Variants in TPRG1 observed in about 807,000 individuals in gnomAD.
TPRG1 encodes tumor protein p63-regulated gene 1 protein.
TPRG1 carries 29 observed loss-of-function variants against 29.3 expected under a neutral mutation model. That is an observed-to-expected ratio of 0.99 (90% confidence interval 0.74 to 1.35). TPRG1 has a LOEUF of 1.35. Among genes scored for constraint, TPRG1 ranks in the 40% most tolerant of loss-of-function variants. The pLI is 0.00. For synonymous variants in TPRG1, 130 were observed against 116.8 expected (o/e 1.11, Z -0.73); for missense variants, 327 against 335.0 (o/e 0.98, Z 0.19).
intron 3 of TPRG1, among the ~76,000 whole-genome samples, chr3:189,144,268 C>G (rs1194457297): frequency 6.6e-6 from 1 of 152,120 alleles, no homozygotes; most frequent in African/African-American, 2.4e-5. Context: ...AGCTTTGTTT[C>G]CTATAAGTGG....
intron 1 of TPRG1, among the ~76,000 whole-genome samples, chr3:189,203,364 A>G (rs1733801119): frequency 1.3e-5 from 2 of 152,254 alleles, no homozygotes; most frequent in Middle Eastern, 3.4e-3. Flanking sequence ...AAAAATCAGC[A>G]CTACTGCCAT....
upstream of TPRG1, among the ~76,000 whole-genome samples, chr3:189,170,217 C>T (rs1043182454): frequency 6.6e-6 from 1 of 152,100 alleles, no homozygotes; most frequent in Non-Finnish European, 1.5e-5. Context: ...GTATTTGCCT[C>T]GCAATTATTT....
intron 4 of TPRG1, among the ~76,000 whole-genome samples, chr3:189,239,994 G>A (rs1278207185): frequency 6.6e-6 from 1 of 152,118 alleles, no homozygotes; most frequent in African/African-American, 2.4e-5. Flanking sequence ...ATTGAACCGT[G>A]AATTCCTTGC....
intron 3 of TPRG1, among the ~76,000 whole-genome samples, chr3:189,218,761 C>T (rs1204343605): frequency 6.6e-6 from 1 of 152,200 alleles, no homozygotes; most frequent in Non-Finnish European, 1.5e-5. Context: ...ATAGACTGCA[C>T]TCCTGCATTC....
chr3:189,052,991 C>T (rs1169685805), intron 4 of TPRG1, among the ~76,000 whole-genome samples: 1 of 152,090 alleles, frequency 6.6e-6, no homozygotes, highest in Non-Finnish European at 1.5e-5. Flanking sequence ...GTGTATACTG[C>T]TTGGGTGATG....
rs201492242 is a variant in TPRG1, at chr3:189,320,746, A to C, written c.754A>C (p.Thr252Pro). ...LTEPILIETY[T>P]GLMSFIGNRN... is the part of the protein sequence containing the mutation. The stretch of plus-strand genomic sequence containing the variant: ...TGAACCCATTTTGATTGAGACCTAC[A>C]CAGGGCTGATGTCATTCATTGGAAA... Residue 252 changes from threonine (T) to proline (P), a missense_variant, in exon 6 of 6, where the codon ACA becomes CCA. Coordinates refer to ENST00000345063, the MANE Select transcript of TPRG1 (RefSeq NM_198485.4). The C allele has an allele frequency of 2.2e-5, 36 of 1,612,626 alleles. No individual in the cohort carries two copies. The highest frequency in any genetic ancestry group is 5.5e-5 in the South Asian group (5 of 90,928).
chr3:189,230,853 G>A (rs766572316), intron 3 of TPRG1, among the ~76,000 whole-genome samples: 8 of 152,250 alleles, frequency 5.3e-5, no homozygotes, highest in Non-Finnish European at 8.8e-5. Flanking sequence ...TTTATGCCAC[G>A]TAGTGAGAAG....
rs1187976467 is a variant in TPRG1, at chr3:189,312,165, CTTTCTTTCTTTCTTTCTTTT to C, written c.633+1646_633+1665del. Among the ~76,000 whole-genome samples, 435 of 68,486 alleles carry C rather than the reference CTTTCTTTCTTTCTTTCTTTT, an allele frequency of 6.4e-3. 6 individuals are homozygous for C. Among genetic ancestry groups the C allele is most frequent in the Middle Eastern group, 0.012 (2 of 164 alleles). 44.9% of individuals were successfully genotyped at this position (68,486 alleles called of 152,430 possible). A position where few individuals can be genotyped will look rare whatever the true frequency, so the allele number is the denominator to read the frequency against. ...TCTTTCTTTCTTTCTTTCTTTCTTT[CTTTCTTTCTTTCTTTCTTTT>C]TTTCTTTCTTTCTTTCTTTCTTTCT... On this transcript the variant is annotated intron_variant, in intron 5 of 5. Coordinates refer to ENST00000345063, the MANE Select transcript of TPRG1 (RefSeq NM_198485.4).
chr3:189,253,787 A>C (rs938291284), intron 4 of TPRG1, among the ~76,000 whole-genome samples: 2 of 152,172 alleles, frequency 1.3e-5, no homozygotes, highest in East Asian at 3.9e-4. Flanking sequence ...TTTAATGATC[A>C]CAATTCTAAC....
chr3:189,218,391 C>T (rs1364005152), intron 3 of TPRG1, among the ~76,000 whole-genome samples: 3 of 152,180 alleles, frequency 2.0e-5, no homozygotes, highest in Non-Finnish European at 4.4e-5. Context: ...GCTAGGATTA[C>T]AGGCGTGAGC....
intron 4 of TPRG1, among the ~76,000 whole-genome samples, chr3:189,293,275 A>G (rs1403938101): frequency 6.6e-6 from 1 of 151,968 alleles, no homozygotes; most frequent in East Asian, 1.9e-4. Flanking sequence ...CTGTGTTTGG[A>G]CTGGAGGCTC....
chr3:189,141,975 A>C (rs1245180958), intron 3 of TPRG1, among the ~76,000 whole-genome samples: 1 of 152,172 alleles, frequency 6.6e-6, no homozygotes, highest in African/African-American at 2.4e-5. Flanking sequence ...GATGACAAAG[A>C]TGGAGACAAG....
At position 189,242,803 on chromosome 3, in the gene TPRG1, G is replaced by A. The variant is rs143319921; in HGVS notation, c.479+3894G>A. On this transcript the variant is annotated intron_variant, in intron 4 of 5. Coordinates refer to ENST00000345063, the MANE Select transcript of TPRG1 (RefSeq NM_198485.4). ...AGTTAATTTCTTTTATAAATATTGTGTTTATCATAATTTTTTCTCCTCAGG... is the reference window on the plus strand; with the variant it reads ...AGTTAATTTCTTTTATAAATATTGTATTTATCATAATTTTTTCTCCTCAGG... Among the ~76,000 whole-genome samples the A allele has an allele frequency of 1.4e-3, 209 of 151,910 alleles. 3 individuals carry two copies. The East Asian group carries it at 0.031, about 22-fold the overall frequency.
At chr3:189,179,425 A>G (rs959102739) in intron 1 of TPRG1, among the ~76,000 whole-genome samples, 1 of 152,182 alleles carries the variant, frequency 6.6e-6, no homozygotes, top group African/African-American at 2.4e-5. Context: ...TCAGCCACAG[A>G]TTGTACTGAA....
chr3:189,217,574 C>T (rs1560566226), intron 3 of TPRG1, among the ~76,000 whole-genome samples: 2 of 152,266 alleles, frequency 1.3e-5, no homozygotes, highest in East Asian at 3.9e-4. Flanking sequence ...TTAAAACCTA[C>T]TTTCAGGAAA....
intron 3 of TPRG1, among the ~76,000 whole-genome samples, chr3:189,134,833 C>G (rs1391445193): frequency 2.0e-5 from 3 of 152,128 alleles, no homozygotes; most frequent in Non-Finnish European, 4.4e-5. Flanking sequence ...GAGCCTTGAC[C>G]ACCTGACTCC....
At chr3:189,312,222 G>T (rs2109327311) in intron 5 of TPRG1, among the ~76,000 whole-genome samples, 1 of 120,832 alleles carries the variant, frequency 8.3e-6, no homozygotes, top group East Asian at 2.3e-4. Flanking sequence ...TCTTTCTTAA[G>T]ACGGAGTCTC....
At chr3:189,003,544 C>T (rs1712135590) in intron 2 of TPRG1, among the ~76,000 whole-genome samples, 1 of 152,106 alleles carries the variant, frequency 6.6e-6, no homozygotes, top group East Asian at 1.9e-4. Flanking sequence ...TCTTGGAGAC[C>T]TGCAGTAGCT....
chr3:189,303,977 TG>T (rs1343725214), intron 4 of TPRG1, among the ~76,000 whole-genome samples: 2 of 152,244 alleles, frequency 1.3e-5, no homozygotes, highest in East Asian at 1.9e-4. Flanking sequence ...ATCTAAATTC[TG>T]CTCTTGATTT....
Sources: allele counts gnomAD v4.1 joint callset (sites outside exome capture counted in the v4.1 genomes callset), GRCh38; gene constraint gnomAD v4.1.1; transcripts MANE v1.5; gene names NCBI Gene and HGNC (gene_info 2026-07-23, HGNC 2026-07-21).